MATN2: variants seen among roughly 807,000 people sequenced by gnomAD.
The protein encoded by MATN2 is matrilin 2, also known as matrilin-2.
Under a neutral mutation model 103.2 loss-of-function variants are expected in MATN2, and 69 were observed. The ratio of observed to expected loss-of-function variants is 0.67; its 90% CI spans 0.55 to 0.82. The LOEUF (loss-of-function observed/expected upper bound fraction) is 0.82. MATN2 is among the 40% of genes least tolerant of loss of function. The pLI, the probability that MATN2 is intolerant of heterozygous loss-of-function variation, is 0.00. For synonymous variants in MATN2, 429 were observed against 450.2 expected (o/e 0.95, Z 0.60); for missense variants, 1,023 against 1,211.5 (o/e 0.84, Z 2.31).
At chr8:97,884,029 T>C (rs1157259205) in intron 1 of MATN2, among the ~76,000 whole-genome samples, 1 of 152,248 alleles carries the variant, frequency 6.6e-6, no homozygotes, top group East Asian at 1.9e-4. Context: ...AATTATGGGT[T>C]TGTATGTCAT....
chr8:97,939,200 C>T (rs1343460372), intron 3 of MATN2, among the ~76,000 whole-genome samples: 2 of 152,084 alleles, frequency 1.3e-5, no homozygotes, highest in African/African-American at 4.8e-5. Context: ...TTGATATATA[C>T]CATTGATTCA....
intron 2 of MATN2, among the ~76,000 whole-genome samples, chr8:97,927,855 C>T (rs567264309): frequency 6.6e-6 from 1 of 152,300 alleles, no homozygotes; most frequent in African/African-American, 2.4e-5. Context: ...ATAATAAAGG[C>T]CCAATCCAAG....
intron 13 of MATN2, among the ~76,000 whole-genome samples, chr8:98,022,319 TG>T (rs1813623506): frequency 6.6e-6 from 1 of 151,944 alleles, no homozygotes; most frequent in South Asian, 2.1e-4. Flanking sequence ...TGTGTGTGTG[TG>T]TACCATTATA....
At chr8:97,981,451 G>A (rs948027214) in intron 6 of MATN2, among the ~76,000 whole-genome samples, 1 of 152,198 alleles carries the variant, frequency 6.6e-6, no homozygotes, top group African/African-American at 2.4e-5. Context: ...CATATACCAC[G>A]TGCCTGGGCT....
intron 5 of MATN2, among the ~76,000 whole-genome samples, chr8:97,975,035 T>C (rs531584263): frequency 6.6e-6 from 1 of 152,164 alleles, no homozygotes; most frequent in African/African-American, 2.4e-5. Flanking sequence ...TTTATAAGAA[T>C]ACATCTCAGT....
intron 6 of MATN2, among the ~76,000 whole-genome samples, chr8:97,984,117 C>T (rs889685596): frequency 6.6e-6 from 1 of 152,180 alleles, no homozygotes; most frequent in Non-Finnish European, 1.5e-5. Context: ...CTGGAAGAGG[C>T]TTTAAAGTTC....
In MATN2 at chr8:98,007,159, C is replaced by T. The variant is rs367846991; in HGVS notation, c.1382C>T (p.Thr461Met). ...DHGCEQLCLN[T>M]EDSFVCQCSE... is the part of the protein sequence containing the mutation. ...GGCTGTGAGCAGCTGTGTCTGAACA[C>T]GGAGGATTCCTTCGTCTGCCAGTGC... Residue 461 changes from threonine to methionine, a missense_variant, in exon 9 of 19, where the codon ACG (threonine) becomes ATG (methionine). Physicochemically the swap from Thr to Met is moderately conservative, Grantham distance 81 (BLOSUM62 -1). Coordinates refer to ENST00000254898, the MANE Select transcript of MATN2 (RefSeq NM_002380.5). This position sits in a 1 kb window ranked among gnomAD's most constrained non-coding sequence, Gnocchi z 4.2. 112 of 1,613,622 alleles carry T rather than the reference C, an allele frequency of 6.9e-5. No homozygotes were observed. Among genetic ancestry groups the T allele is most frequent in the Middle Eastern group, 1.7e-4 (1 of 6,060 alleles).
chr8:98,021,393 T>C, intron 13 of MATN2, 66 bp downstream of exon 13: 1 of 1,553,850 alleles, frequency 6.4e-7, no homozygotes, highest in Non-Finnish European at 8.8e-7. Flanking sequence ...TTGGAGTATT[T>C]TCAGGCAACA....
At chr8:98,030,958 C>T (rs750647340) in intron 15 of MATN2, among the ~76,000 whole-genome samples, 10 of 152,068 alleles carry the variant, frequency 6.6e-5, no homozygotes, top group Non-Finnish European at 1.2e-4. Flanking sequence ...CCACCGTGTC[C>T]GGCCAGCATG....
chr8:97,940,594 C>T (rs959538458), intron 3 of MATN2, among the ~76,000 whole-genome samples: 2 of 152,180 alleles, frequency 1.3e-5, no homozygotes, highest in African/African-American at 4.8e-5. Context: ...TGAGTTTTCA[C>T]AAGCGCTGGA....
intron 7 of MATN2, among the ~76,000 whole-genome samples, chr8:97,995,856 C>G (rs763446522): frequency 6.6e-6 from 1 of 152,218 alleles, no homozygotes; most frequent in Non-Finnish European, 1.5e-5. Flanking sequence ...ACCCTGCACA[C>G]ATTCAAGCAT....
At chr8:98,019,043 C>CATATATATAATATATATATAATA in intron 12 of MATN2, among the ~76,000 whole-genome samples, 1 of 148,398 alleles carries the variant, frequency 6.7e-6, no homozygotes, top group South Asian at 2.1e-4. Context: ...TAATAGAAGA[C>CATATATATAATATATATATAATA]ATATATATAA....
chr8:97,886,782 C>T (rs921277013), intron 1 of MATN2, among the ~76,000 whole-genome samples: 2 of 152,092 alleles, frequency 1.3e-5, no homozygotes, highest in African/African-American at 4.8e-5. Context: ...CTGTCCCTGC[C>T]TCTGACAAAG....
At chr8:97,987,876 G>C (rs1372400613) in intron 6 of MATN2, among the ~76,000 whole-genome samples, 1 of 151,242 alleles carries the variant, frequency 6.6e-6, no homozygotes, top group Non-Finnish European at 1.5e-5. Context: ...AGAGATAATT[G>C]GTAAAAACCA....
At chr8:97,920,079 T>C (rs1809763167) in intron 2 of MATN2, among the ~76,000 whole-genome samples, 2 of 152,182 alleles carry the variant, frequency 1.3e-5, no homozygotes, top group Non-Finnish European at 2.9e-5. Flanking sequence ...AAGGCTGAGT[T>C]CATGAGTTCA....
At chr8:98,027,295 C>T (rs1354677606) in intron 13 of MATN2, 121 bp from the exon 14 acceptor site, 5 of 771,704 alleles carry the variant, frequency 6.5e-6, no homozygotes, top group Non-Finnish European at 1.0e-5. Flanking sequence ...TGTGTATTAT[C>T]TAAAGAACAA....
chr8:98,027,795 C>A lies in MATN2; in HGVS notation c.2322C>A (p.Asp774Glu). Residue 774 changes from aspartate to glutamate, a missense_variant, in exon 14 of 19, where the codon GAC (aspartate) becomes GAA (glutamate). Asp to Glu is a conservative substitution (Grantham distance 45, BLOSUM62 2). Coordinates refer to ENST00000254898, the MANE Select transcript of MATN2 (RefSeq NM_002380.5). Reference protein sequence around the residue: ...IVFTDGRAQDDVSEWASKAKA... With the variant: ...IVFTDGRAQDEVSEWASKAKA... Reference sequence around the variant, plus strand: ...TCACCGACGGACGGGCTCAGGATGACGTCTCCGAGTGGGCCAGTAAAGCCA... The same window carrying A: ...TCACCGACGGACGGGCTCAGGATGAAGTCTCCGAGTGGGCCAGTAAAGCCA... 1 of 1,591,562 alleles carries A rather than the reference C, an allele frequency of 6.3e-7. No homozygotes were observed.
chr8:97,891,624 C>T (rs933198841), intron 2 of MATN2, among the ~76,000 whole-genome samples: 1 of 152,138 alleles, frequency 6.6e-6, no homozygotes, highest in African/African-American at 2.4e-5. Context: ...AGGCGTGAGC[C>T]ACTGTGCCCA....
In MATN2 at chr8:97,931,173, G is replaced by C; in HGVS notation, c.363G>C (p.Glu121Asp). 1 of 1,613,684 alleles carries C rather than the reference G, an allele frequency of 6.2e-7. No individual in the cohort carries two copies. The highest frequency in any genetic ancestry group is 1.3e-5 in the African/African-American group (1 of 75,050). The change falls in exon 3 of 19, where the codon GAG becomes GAC. Residue 121 changes from glutamate to aspartate, a missense_variant. Coordinates refer to ENST00000254898, the MANE Select transcript of MATN2 (RefSeq NM_002380.5). The surrounding 1 kb of genome is among the most constrained non-coding windows in gnomAD (Gnocchi z 4.1). ...CCTTCAAGAGGAAGTCCGAGGTGGA[G>C]CGTGCTGTCAAGAGGATGCGGCATC... ...LKTFKRKSEV[E>D]RAVKRMRHLS...
Sources: allele counts gnomAD v4.1 joint callset (sites outside exome capture counted in the v4.1 genomes callset), GRCh38; gene constraint gnomAD v4.1.1; non-coding constraint Gnocchi (gnomAD v3.1); transcripts MANE v1.5; gene names NCBI Gene and HGNC (gene_info 2026-07-23, HGNC 2026-07-21).